GALNT17: variants seen among roughly 807,000 people sequenced by gnomAD.
GALNT17 encodes the protein UDP-GalNAc:polypeptide N-acetylgalactosaminyltransferase-like 3.
In GALNT17, 29 loss-of-function variants were observed where a neutral mutation model predicts 63.7. That is an observed-to-expected ratio of 0.46 (90% CI 0.34 to 0.62). The LOEUF is 0.62. Among genes scored for constraint, GALNT17 ranks in the 20% least tolerant of loss-of-function variants. GALNT17 has a pLI of 0.01. For synonymous variants in GALNT17, 305 were observed against 318.3 expected, an observed-to-expected ratio of 0.96 and a Z score of 0.45; for missense variants, 603 against 799.6, an observed-to-expected ratio of 0.75 and a Z score of 2.97.
At chr7:71,451,724 A>G (rs1787266037) in intron 5 of GALNT17, among the ~76,000 whole-genome samples, 1 of 152,104 alleles carries the variant, frequency 6.6e-6, no homozygotes, top group African/African-American at 2.4e-5. Context: ...TACAGCTCAT[A>G]AGTTTTTATA....
chr7:71,187,088 G>A (rs1788863549), intron 1 of GALNT17, among the ~76,000 whole-genome samples: 1 of 152,090 alleles, frequency 6.6e-6, no homozygotes, highest in Non-Finnish European at 1.5e-5. Context: ...ACAAAGAGAA[G>A]ACGACTACAA....
At chr7:71,308,204 T>C (rs936135312) in intron 1 of GALNT17, among the ~76,000 whole-genome samples, 5 of 152,094 alleles carry the variant, frequency 3.3e-5, no homozygotes, top group African/African-American at 1.2e-4. Context: ...CTCACATTTG[T>C]CAAGCCTTGA....
At chr7:71,240,201 C>T (rs907456803) in intron 1 of GALNT17, among the ~76,000 whole-genome samples, 2 of 152,124 alleles carry the variant, frequency 1.3e-5, no homozygotes, top group South Asian at 2.1e-4. Flanking sequence ...CTGTCTCAGC[C>T]GAGACCGGAG....
intron 6 of GALNT17, among the ~76,000 whole-genome samples, chr7:71,608,783 A>AATT (rs993895683): frequency 6.6e-6 from 1 of 151,838 alleles, no homozygotes; most frequent in African/African-American, 2.4e-5. Flanking sequence ...TATTATTAAT[A>AATT]ATTATTATTA....
At chr7:71,199,401 T>C (rs576316540) in intron 1 of GALNT17, among the ~76,000 whole-genome samples, 1 of 152,228 alleles carries the variant, frequency 6.6e-6, no homozygotes, top group Admixed American at 6.5e-5. Flanking sequence ...TTTCTAACCG[T>C]CCATCATCTG....
chr7:71,424,426 G>A (rs984474246), intron 5 of GALNT17, among the ~76,000 whole-genome samples: 12 of 152,206 alleles, frequency 7.9e-5, no homozygotes, highest in South Asian at 2.1e-4. Context: ...GAGTGCCTTC[G>A]GATGCCCAGC....
At chr7:71,281,005 G>A (rs532898988) in intron 1 of GALNT17, among the ~76,000 whole-genome samples, 1 of 152,266 alleles carries the variant, frequency 6.6e-6, no homozygotes, top group African/African-American at 2.4e-5. Flanking sequence ...AGATTGTAGT[G>A]GTCTCTCCAG....
At chr7:71,171,631 A>G (rs1447453588) in intron 1 of GALNT17, among the ~76,000 whole-genome samples, 1 of 152,240 alleles carries the variant, frequency 6.6e-6, no homozygotes, top group Non-Finnish European at 1.5e-5. Flanking sequence ...TGTGCTATTT[A>G]CTTTTGCTTT....
At chr7:71,450,107 G>A (rs1018348022) in intron 5 of GALNT17, among the ~76,000 whole-genome samples, 9 of 149,926 alleles carry the variant, frequency 6.0e-5, no homozygotes, top group African/African-American at 2.0e-4. Flanking sequence ...AACACTTCTT[G>A]GTCCTGGTTT....
At chr7:71,620,252 T>A (rs538130047) in intron 6 of GALNT17, among the ~76,000 whole-genome samples, 2 of 152,326 alleles carry the variant, frequency 1.3e-5, no homozygotes, top group Non-Finnish European at 2.9e-5. Context: ...GAAGTTTTCC[T>A]TCTTGTTGCA....
intron 5 of GALNT17, among the ~76,000 whole-genome samples, chr7:71,428,598 C>T (rs998828093): frequency 1.3e-5 from 2 of 151,862 alleles, no homozygotes; most frequent in Admixed American, 1.3e-4. Flanking sequence ...ACCACCATGC[C>T]CAGCTAATTT....
chr7:71,582,657 G>C (rs188261107), intron 6 of GALNT17, among the ~76,000 whole-genome samples: 1 of 152,210 alleles, frequency 6.6e-6, no homozygotes, highest in Non-Finnish European at 1.5e-5. Context: ...TGAATTAATG[G>C]CATTTGCAGC....
At position 71,162,057 on chromosome 7, in the gene GALNT17, T is replaced by TCCCTCCC. The variant is rs1562875448; in HGVS notation, c.238+29017_238+29018insCCCTCCC. ...TTCCCTCCCTCCCTCCCTTCCTCCCTTTCCTTCCTTCCTTCCTTCCTTCTT... is the reference window on the plus strand; with the variant it reads ...TTCCCTCCCTCCCTCCCTTCCTCCCTCCCTCCCTTCCTTCCTTCCTTCCTTCCTTCTT... On this transcript the variant is annotated intron_variant, in intron 1 of 10. Transcript: ENST00000333538. Among the ~76,000 whole-genome samples the TCCCTCCC allele has an allele frequency of 6.6e-4, 57 of 86,044 alleles. 1 individual carries two copies. The highest frequency in any genetic ancestry group is 2.8e-3 in the African/African-American group (53 of 18,710). 56.4% of individuals were successfully genotyped at this position (86,044 alleles called of 152,430 possible). A position where few individuals can be genotyped will look rare whatever the true frequency, so the allele number is the denominator to read the frequency against.
rs1266222684 is a variant in GALNT17 at position 71,677,199 on chromosome 7, C to G, written c.1405-12C>G. The G allele has an allele frequency of 1.9e-6, 3 of 1,613,706 alleles. No homozygotes were observed. In the Admixed American group the frequency reaches 5.0e-5, roughly 27 times the overall value. On this transcript the variant is annotated splice_polypyrimidine_tract_variant and intron_variant, in intron 8 of 10. Transcript: ENST00000333538. ...TGAGCTCTCATGGGTCGTGTTTTGT[C>G]TATTCTTGCAGCTTCGCAACAACAA...
At chr7:71,275,337 G>C (rs1297724081) in intron 1 of GALNT17, among the ~76,000 whole-genome samples, 1 of 152,160 alleles carries the variant, frequency 6.6e-6, no homozygotes, top group Non-Finnish European at 1.5e-5. Context: ...AGGCTGAGGT[G>C]GGAGGATCTC....
In GALNT17 at chr7:71,336,808, A is replaced by G. The variant is rs577611249; in HGVS notation, c.422+1075A>G. 5.3e-5 allele frequency among the ~76,000 whole-genome samples: 8 copies of G among 152,330 alleles called. No individual in the cohort carries two copies. In the South Asian group the frequency reaches 1.7e-3, roughly 32 times the overall value. ...AGTGCTATAATGAACATACCTGTGC[A>G]TGTGTCTTTATGATAGAACAATTTA... On this transcript the variant is annotated intron_variant, in intron 2 of 10. Transcript: ENST00000333538.
intron 1 of GALNT17, among the ~76,000 whole-genome samples, chr7:71,329,709 A>G (rs1182294291): frequency 1.3e-5 from 2 of 152,136 alleles, no homozygotes; most frequent in East Asian, 3.9e-4. Flanking sequence ...ACCAGGTCTC[A>G]TGAGAACTCA....
intron 6 of GALNT17, among the ~76,000 whole-genome samples, chr7:71,636,867 G>A (rs1366599187): frequency 6.6e-6 from 1 of 152,144 alleles, no homozygotes; most frequent in Non-Finnish European, 1.5e-5. Context: ...ACAGTAAGAG[G>A]GTGTGGAAGT....
rs913825949 is a variant in GALNT17 at position 71,605,453 on chromosome 7, G to C, written c.1080+34051G>C. 6.6e-5 allele frequency among the ~76,000 whole-genome samples: 10 copies of C among 151,996 alleles called. 1 individual carries two copies. Among genetic ancestry groups the C allele is most frequent in the Non-Finnish European group, 7.4e-5 (5 of 68,002 alleles). Reference sequence around the variant, plus strand: ...ATACAAAAATTAGCTGGGCGTGGTGGCGTGCGCTTGTAGTCCCAGCTACTC... The same window carrying C: ...ATACAAAAATTAGCTGGGCGTGGTGCCGTGCGCTTGTAGTCCCAGCTACTC... On this transcript the variant is annotated intron_variant, in intron 6 of 10. Transcript: ENST00000333538.
Sources: gnomAD v4.1 joint callset for allele counts (sites outside exome capture counted in the v4.1 genomes callset) on GRCh38, gnomAD v4.1.1 for gene constraint, MANE v1.5 for transcripts, NCBI Gene and HGNC (gene_info 2026-07-23, HGNC 2026-07-21) for gene names.